Variants in FAM114A2 observed in about 807,000 individuals in gnomAD.
FAM114A2 encodes protein FAM114A2.
In FAM114A2, 53 loss-of-function variants were observed where a neutral mutation model predicts 58.4. The ratio of observed to expected loss-of-function variants is 0.91; its 90% CI spans 0.73 to 1.14. The LOEUF (loss-of-function observed/expected upper bound fraction) is 1.14, where lower values mean the gene tolerates loss of function less well. Among genes scored for constraint, FAM114A2 ranks in the 50% most tolerant of loss-of-function variants. The pLI is 0.00. For missense variants in FAM114A2, 601 were observed against 581.1 expected (o/e 1.03, Z -0.35); for synonymous variants, 228 against 211.4 (o/e 1.08, Z -0.68).
At chr5:154,029,100 T>C (rs537281573) in intron 5 of FAM114A2, among the ~76,000 whole-genome samples, 28 of 152,366 alleles carry the variant, frequency 1.8e-4, no homozygotes, top group African/African-American at 6.0e-4. Flanking sequence ...TCATACATAG[T>C]TTTGCAAATA....
chr5:154,035,045 GATT>G, intron 1 of FAM114A2, 78 bp from the exon 2 acceptor site: 5 of 785,998 alleles, frequency 6.4e-6, no homozygotes, highest in Non-Finnish European at 8.1e-6. Context: ...TTTAGTTTGA[GATT>G]ATCATAGATT....
At chr5:154,035,007 C>T (rs1255167206) in intron 1 of FAM114A2, 40 bp from the exon 2 acceptor site, 1 of 1,246,514 alleles carries the variant, frequency 8.0e-7, no homozygotes, top group Admixed American at 2.0e-5. Context: ...ATATAGGCTT[C>T]TTTGGTATAA....
chr5:154,019,686 C>T (rs982378698), intron 8 of FAM114A2, among the ~76,000 whole-genome samples: 4 of 152,120 alleles, frequency 2.6e-5, no homozygotes, highest in Admixed American at 6.6e-5. Flanking sequence ...AAAACAGGCA[C>T]GTAGTCCAAT....
At chr5:154,017,632 G>A (rs1411937378) in intron 8 of FAM114A2, among the ~76,000 whole-genome samples, 2 of 152,048 alleles carry the variant, frequency 1.3e-5, no homozygotes, top group Admixed American at 1.3e-4. Flanking sequence ...AACAACTGCT[G>A]AATATACATT....
At chr5:154,000,901 T>A (rs567620196) in intron 11 of FAM114A2, among the ~76,000 whole-genome samples, 1 of 151,900 alleles carries the variant, frequency 6.6e-6, no homozygotes, top group African/African-American at 2.4e-5. Flanking sequence ...TTAATAATAG[T>A]TATTAGTTAT....
chr5:154,029,359 G>A (rs995901658), intron 5 of FAM114A2, 130 bp downstream of exon 5: 18 of 577,110 alleles, frequency 3.1e-5, no homozygotes, highest in African/African-American at 1.7e-4. Context: ...CAAAGTGACC[G>A]ATCTTCAGTG....
intron 9 of FAM114A2, among the ~76,000 whole-genome samples, chr5:154,003,742 A>T (rs1770164705): frequency 6.6e-6 from 1 of 152,226 alleles, no homozygotes. Flanking sequence ...ATAAAAATAG[A>T]AATATAAGTT....
chr5:154,028,233 T>C lies in FAM114A2; in HGVS notation c.546A>G (p.Lys182=), dbSNP rs937954235. Reference sequence around the variant, plus strand: ...CTTCTGCTATCACATCCATTGTCTTTTTTCCAATGAATTCTAAGGCATCCA... The same window carrying C: ...CTTCTGCTATCACATCCATTGTCTTCTTTCCAATGAATTCTAAGGCATCCA... ...GGLDALEFIG[K]KTMDVIAEGD... is the part of the protein sequence containing the mutation. Residue 182 remains lysine (K), a synonymous_variant, in exon 6 of 14, where the codon AAA becomes AAG. Transcript: ENST00000351797. 2 of 1,611,374 alleles carry C rather than the reference T, an allele frequency of 1.2e-6. No homozygotes were observed. The highest frequency in any genetic ancestry group is 8.5e-7 in the Non-Finnish European group (1 of 1,177,692).
chr5:154,018,505 C>T (rs1384711087), intron 8 of FAM114A2, among the ~76,000 whole-genome samples: 2 of 152,030 alleles, frequency 1.3e-5, no homozygotes, highest in African/African-American at 2.4e-5. Context: ...GGTACCAATC[C>T]TATTGATACT....
At chr5:154,012,379 T>C (rs1024355854) in intron 8 of FAM114A2, among the ~76,000 whole-genome samples, 1 of 152,190 alleles carries the variant, frequency 6.6e-6, no homozygotes, top group Non-Finnish European at 1.5e-5. Flanking sequence ...TCTCCACTCA[T>C]CTGAATCCTA....
chr5:154,022,304 G>A (rs911180502), intron 8 of FAM114A2, among the ~76,000 whole-genome samples: 1 of 152,176 alleles, frequency 6.6e-6, no homozygotes, highest in Non-Finnish European at 1.5e-5. Context: ...TTAAACTAAA[G>A]AGCTTCTGCA....
intron 8 of FAM114A2, among the ~76,000 whole-genome samples, chr5:154,018,393 A>G (rs993399766): frequency 1.3e-5 from 2 of 152,168 alleles, no homozygotes; most frequent in Admixed American, 1.3e-4. Flanking sequence ...ACCAATAACA[A>G]GCAGCAAGAC....
At chr5:154,032,248 T>C (rs933338279) in intron 4 of FAM114A2, among the ~76,000 whole-genome samples, 1 of 152,242 alleles carries the variant, frequency 6.6e-6, no homozygotes, top group Non-Finnish European at 1.5e-5. Context: ...AGATTGTTTC[T>C]GTGGTTTGTG....
At chr5:154,014,411 A>G (rs1342221049) in intron 8 of FAM114A2, among the ~76,000 whole-genome samples, 3 of 152,130 alleles carry the variant, frequency 2.0e-5, no homozygotes, top group Admixed American at 1.3e-4. Context: ...GGCCAAGAGA[A>G]CCCATATACC....
In FAM114A2 at chr5:154,034,229, TATAAA is replaced by T. The variant is rs746816066; in HGVS notation, c.310+44_310+48del. On this transcript the variant is annotated intron_variant, in intron 3 of 13. Coordinates refer to ENST00000351797, the MANE Select transcript of FAM114A2 (RefSeq NM_018691.4). Reference sequence around the variant, plus strand: ...CCAAGTCATATGCAATGCAGATCTGTATAAAATAAATACACACACAAAAATAACTA... The same window carrying T: ...CCAAGTCATATGCAATGCAGATCTGTATAAATACACACACAAAAATAACTA... 16 of 1,138,566 alleles carry T rather than the reference TATAAA, an allele frequency of 1.4e-5. No individual in the cohort carries two copies. The African/African-American group carries it at 2.5e-4, about 18-fold the overall frequency. 70.5% of individuals were successfully genotyped at this position (1,138,566 alleles called of 1,614,324 possible). A position where few individuals can be genotyped will look rare whatever the true frequency, so the allele number is the denominator to read the frequency against.
chr5:153,996,230 A>G lies in FAM114A2; in HGVS notation c.1330-1258T>C, dbSNP rs377248701. ...ATTAATGGACTAAAAATCAGAGTCCAGAAACAAACCCATATATCTATGGCC... is the reference window on the plus strand; with the variant it reads ...ATTAATGGACTAAAAATCAGAGTCCGGAAACAAACCCATATATCTATGGCC... On this transcript the variant is annotated intron_variant, in intron 12 of 13. Transcript: ENST00000351797. Among the ~76,000 whole-genome samples, 4 of 152,338 alleles carry G rather than the reference A, an allele frequency of 2.6e-5. No homozygotes were observed. The East Asian group carries it at 7.7e-4, about 29-fold the overall frequency.
chr5:153,998,669 C>A (rs923046760), intron 11 of FAM114A2, among the ~76,000 whole-genome samples: 10 of 152,216 alleles, frequency 6.6e-5, no homozygotes, highest in Middle Eastern at 3.4e-3. Context: ...GAATCATGAG[C>A]CAAATAAGCC....
chr5:154,028,157 G>A lies in FAM114A2; in HGVS notation c.622C>T (p.Leu208=), dbSNP rs147781886. 6.8e-6 allele frequency: 11 copies of A among 1,610,992 alleles called. No homozygotes were observed. In the African/African-American group the frequency reaches 1.3e-4, roughly 20 times the overall value. The change falls in exon 6 of 14, where the codon CTA becomes TTA. Residue 208 remains leucine, a synonymous_variant. Coordinates refer to ENST00000351797, the MANE Select transcript of FAM114A2 (RefSeq NM_018691.4). ...GTAAGGATAATCAGTACCTGAGATA[G>A]TGTAGCATTTCGGTTCATCAGACCC... ...TKGLMNRNAT[L]SQVLREAKEK...
At chr5:153,993,443 G>A (rs1769361579) in intron 13 of FAM114A2, among the ~76,000 whole-genome samples, 1 of 152,092 alleles carries the variant, frequency 6.6e-6, no homozygotes, top group African/African-American at 2.4e-5. Context: ...CAATATTGTG[G>A]TCAATTACTG....
Sources: allele counts gnomAD v4.1 joint callset (sites outside exome capture counted in the v4.1 genomes callset), GRCh38; gene constraint gnomAD v4.1.1; transcripts MANE v1.5; gene names NCBI Gene and HGNC (gene_info 2026-07-23, HGNC 2026-07-21).